Variants in LDB2 observed in about 807,000 individuals in gnomAD.
LDB2 encodes the protein LIM domain binding 2.
In LDB2, 12 loss-of-function variants were observed where a neutral mutation model predicts 44.3. The ratio of observed to expected loss-of-function variants is 0.27; its 90% CI spans 0.17 to 0.44. The LOEUF (loss-of-function observed/expected upper bound fraction) is 0.44, where lower values mean the gene tolerates loss of function less well. Among genes scored for constraint, LDB2 ranks in the 20% least tolerant of loss-of-function variants. The probability of loss-of-function intolerance (pLI) is 1.00; values close to 1 mark genes in which losing one functional copy is unlikely to be tolerated. For missense variants in LDB2, 344 were observed against 473.5 expected (o/e 0.73, Z 2.54); for synonymous variants, 164 against 174.8 (o/e 0.94, Z 0.49).
At chr4:16,690,855 A>G (rs958567207) in intron 2 of LDB2, among the ~76,000 whole-genome samples, 6 of 152,180 alleles carry the variant, frequency 3.9e-5, no homozygotes, top group Admixed American at 2.0e-4. Flanking sequence ...GAATTCTAGA[A>G]GTATTTTTAA....
intron 1 of LDB2, among the ~76,000 whole-genome samples, chr4:16,785,935 G>A (rs969723143): frequency 6.6e-6 from 1 of 151,916 alleles, no homozygotes; most frequent in Non-Finnish European, 1.5e-5. Flanking sequence ...CAAAACTCAA[G>A]AGACTCTCCC....
chr4:16,867,238 C>T, intron 1 of LDB2, among the ~76,000 whole-genome samples: 1 of 152,184 alleles, frequency 6.6e-6, no homozygotes, highest in East Asian at 1.9e-4. Context: ...AAGAGATGAG[C>T]TAACCTGCGG....
intron 2 of LDB2, among the ~76,000 whole-genome samples, chr4:16,751,230 C>T (rs1384237107): frequency 6.6e-6 from 1 of 152,146 alleles, no homozygotes; most frequent in Non-Finnish European, 1.5e-5. Context: ...AGCTAACAAC[C>T]ACCTCAGATT....
At chr4:16,782,552 A>G (rs1013679826) in intron 1 of LDB2, among the ~76,000 whole-genome samples, 6 of 152,004 alleles carry the variant, frequency 3.9e-5, no homozygotes, top group Non-Finnish European at 7.4e-5. Flanking sequence ...GGGTTTCACC[A>G]TATTAGCCAC....
chr4:16,507,557 G>A lies in LDB2; in HGVS notation c.891+978C>T, dbSNP rs56098580. The stretch of plus-strand genomic sequence containing the variant: ...TGAGGGGGAAAAACGTGGGAAAGAC[G>A]GAAAAGGTAAAATTGTACTGGTTGA... On this transcript the variant is annotated intron_variant, in intron 7 of 7. Transcript: ENST00000304523. 5.3e-3 allele frequency among the ~76,000 whole-genome samples: 811 copies of A among 152,166 alleles called. 11 individuals are homozygous for A. The highest frequency in any genetic ancestry group is 0.018 in the African/African-American group (761 of 41,512).
At chr4:16,820,982 A>C (rs1781851706) in intron 1 of LDB2, among the ~76,000 whole-genome samples, 1 of 152,088 alleles carries the variant, frequency 6.6e-6, no homozygotes, top group African/African-American at 2.4e-5. Context: ...CTAAATGTTT[A>C]CAGTTTTTTT....
chr4:16,813,975 C>T (rs1451364891), intron 1 of LDB2, among the ~76,000 whole-genome samples: 1 of 151,670 alleles, frequency 6.6e-6, no homozygotes, highest in Admixed American at 6.6e-5. Flanking sequence ...AGGTTCAGGC[C>T]ATTCTCCTGC....
chr4:16,592,503 T>TACACAC (rs1437537917), intron 3 of LDB2, among the ~76,000 whole-genome samples: 31 of 129,942 alleles, frequency 2.4e-4, no homozygotes, highest in South Asian at 2.1e-3. Context: ...TATATATATA[T>TACACAC]ATACACACAC....
chr4:16,724,471 G>C (rs770047669), intron 2 of LDB2, among the ~76,000 whole-genome samples: 111 of 151,654 alleles, frequency 7.3e-4, no homozygotes, highest in Non-Finnish European at 1.2e-3. Flanking sequence ...TGCCTCCAGG[G>C]CTGGGACCTG....
At chr4:16,562,369 A>C (rs1742702913) in intron 5 of LDB2, among the ~76,000 whole-genome samples, 1 of 152,244 alleles carries the variant, frequency 6.6e-6, no homozygotes, top group African/African-American at 2.4e-5. Context: ...AAACAAATTT[A>C]CAAGAAAAAA....
At chr4:16,833,046 A>C (rs1472612215) in intron 1 of LDB2, among the ~76,000 whole-genome samples, 2 of 152,216 alleles carry the variant, frequency 1.3e-5, no homozygotes, top group African/African-American at 4.8e-5. Context: ...CCAATGCTCC[A>C]CTGTTGGACA....
At chr4:16,801,106 G>A (rs1777744692) in intron 1 of LDB2, among the ~76,000 whole-genome samples, 1 of 152,230 alleles carries the variant, frequency 6.6e-6, no homozygotes, top group Admixed American at 6.5e-5. Context: ...CTTGGGCAGT[G>A]CTGTTTTACC....
intron 2 of LDB2, among the ~76,000 whole-genome samples, chr4:16,690,299 A>C (rs1325545468): frequency 6.6e-6 from 1 of 151,444 alleles, no homozygotes; most frequent in African/African-American, 2.4e-5. Context: ...CATCTCTACT[A>C]AAAATACAAA....
intron 2 of LDB2, among the ~76,000 whole-genome samples, chr4:16,651,460 A>G (rs768079525): frequency 6.6e-6 from 1 of 152,286 alleles, no homozygotes. Context: ...ATTCCAGTCA[A>G]TGTTCCCCTT....
intron 2 of LDB2, among the ~76,000 whole-genome samples, chr4:16,686,210 C>G (rs1749201454): frequency 6.6e-6 from 1 of 152,200 alleles, no homozygotes; most frequent in Non-Finnish European, 1.5e-5. Context: ...AAAGCAATAG[C>G]CCAAATTCTC....
chr4:16,558,924 G>T (rs1020255131), intron 5 of LDB2, among the ~76,000 whole-genome samples: 5 of 152,272 alleles, frequency 3.3e-5, no homozygotes, highest in South Asian at 2.1e-4. Flanking sequence ...TTAAAGAAAA[G>T]AATTTTCAAC....
At chr4:16,843,352 A>G (rs1262251295) in intron 1 of LDB2, among the ~76,000 whole-genome samples, 1 of 152,224 alleles carries the variant, frequency 6.6e-6, no homozygotes, top group Non-Finnish European at 1.5e-5. Flanking sequence ...GGGAAGAAGC[A>G]TGTCGTTTTC....
intron 5 of LDB2, among the ~76,000 whole-genome samples, chr4:16,583,420 T>G (rs1715504209): frequency 6.6e-6 from 1 of 152,190 alleles, no homozygotes; most frequent in Non-Finnish European, 1.5e-5. Flanking sequence ...GCATTGAAGC[T>G]TCTTGTTACC....
rs1788507269 is a variant in LDB2 at position 16,852,594 on chromosome 4, A to T, written c.132+45760T>A. Among the ~76,000 whole-genome samples, 4 of 152,240 alleles carry T rather than the reference A, an allele frequency of 2.6e-5. 1 individual carries two copies. In the South Asian group the frequency reaches 8.3e-4, roughly 31 times the overall value. ...ATAGCATGAATAAGTTCAGAAGATAATATCTAGGAAATTAACTTGCTTCAG... is the reference window on the plus strand; with the variant it reads ...ATAGCATGAATAAGTTCAGAAGATATTATCTAGGAAATTAACTTGCTTCAG... On this transcript the variant is annotated intron_variant, in intron 1 of 7. Transcript: ENST00000304523.
Sources: allele counts gnomAD v4.1 joint callset (sites outside exome capture counted in the v4.1 genomes callset), GRCh38; gene constraint gnomAD v4.1.1; transcripts MANE v1.5; gene names NCBI Gene and HGNC (gene_info 2026-07-23, HGNC 2026-07-21).